A1CF: variants seen among roughly 807,000 people sequenced by gnomAD.
A1CF encodes APOBEC1 complementation factor.
A1CF carries 48 observed loss-of-function variants against 68.9 expected under a neutral mutation model. The observed-to-expected ratio is 0.70, with a 90% confidence interval of 0.55 to 0.89. The LOEUF (loss-of-function observed/expected upper bound fraction) is 0.89, where lower values mean the gene tolerates loss of function less well. Among genes scored for constraint, A1CF ranks in the 40% least tolerant of loss-of-function variants. A1CF has a pLI of 0.00. For missense variants in A1CF, 653 were observed against 718.9 expected (o/e 0.91, Z 1.05); for synonymous variants, 272 against 260.4 (o/e 1.04, Z -0.43).
chr10:50,873,342 T>C lies in A1CF; in HGVS notation c.-93-9262A>G, dbSNP rs1484866854. On this transcript the variant is annotated intron_variant, in intron 1 of 12. Coordinates refer to ENST00000373997, the MANE Select transcript of A1CF (RefSeq NM_014576.4). ...GATAGCAAGAGAAGAAGAAATTATC[T>C]ATAGACCAAATATCTCATGAGGTTG... Among the ~76,000 whole-genome samples the C allele has an allele frequency of 5.3e-5, 8 of 152,248 alleles. No individual in the cohort carries two copies. In the South Asian group the frequency reaches 1.7e-3, roughly 32 times the overall value.
Position 50,816,091 on chromosome 10 carries a change from G to C in A1CF, c.1056C>G (p.Thr352=). Reference sequence around the variant, plus strand: ...AATGAAGACTGGGAATTGCTGCATAGGTCTGGGGGGCATAGAAGACAGGAG... The same window carrying C: ...AATGAAGACTGGGAATTGCTGCATACGTCTGGGGGGCATAGAAGACAGGAG... The part of the protein sequence containing the change: ...LGAPVFYAPQ[T]YAAIPSLHFP... Residue 352 remains threonine (T), a synonymous_variant, in exon 9 of 13, where the codon ACC becomes ACG. Coordinates refer to ENST00000373997, the MANE Select transcript of A1CF (RefSeq NM_014576.4). 1 of 1,613,872 alleles carries C rather than the reference G, an allele frequency of 6.2e-7. No homozygotes were observed. Among genetic ancestry groups the C allele is most frequent in the Non-Finnish European group, 8.5e-7 (1 of 1,179,876 alleles).
chr10:50,816,424 T>G, intron 8 of A1CF, 145 bp from the exon 9 acceptor site: 1 of 986,066 alleles, frequency 1.0e-6, no homozygotes, highest in South Asian at 1.8e-5. Flanking sequence ...ATAGGTTTGT[T>G]TTGTATGCCA....
Position 50,813,877 on chromosome 10 carries a change from C to T in A1CF, c.1303G>A (p.Gly435Arg), listed in dbSNP as rs1261105378. The T allele has an allele frequency of 1.9e-6, 3 of 1,613,726 alleles. No individual in the cohort carries two copies. Among genetic ancestry groups the T allele is most frequent in the East Asian group, 2.2e-5 (1 of 44,870 alleles). ...CCTACCTGGGGAGCGAGTTTAATTC[C>T]TTGGGGTTTTAATGTGACAGGATTC... ...PMNPVTLKPQGIKLAPQILEE... is the reference protein window; with the variant it reads ...PMNPVTLKPQRIKLAPQILEE... Residue 435 changes from glycine to arginine, a missense_variant, in exon 10 of 13, where the codon GGA (glycine) becomes AGA (arginine). By Grantham distance (125) the Gly-to-Arg change is moderately radical. Transcript: ENST00000373997.
intron 4 of A1CF, 68 bp downstream of exon 4, chr10:50,843,920 G>A: frequency 6.3e-7 from 1 of 1,579,958 alleles, no homozygotes; most frequent in Non-Finnish European, 8.6e-7. Context: ...GAGAATGAAA[G>A]CAAAGTGAAG....
At position 50,859,927 on chromosome 10, in the gene A1CF, T is replaced by C. The variant is rs773750284; in HGVS notation, c.14A>G (p.His5Arg). 13 of 1,613,982 alleles carry C rather than the reference T, an allele frequency of 8.1e-6. No homozygotes were observed. The highest frequency in any genetic ancestry group is 1.1e-5 in the Non-Finnish European group (13 of 1,179,944). Residue 5 changes from histidine (H) to arginine (R), a missense_variant, in exon 3 of 13, where the codon CAC becomes CGC. Coordinates refer to ENST00000373997, the MANE Select transcript of A1CF (RefSeq NM_014576.4). ...GCCGCTCAATCCATCCCCGGATTTGTGATTTGATTCCATTGAGAGTGATTA... is the reference window on the plus strand; with the variant it reads ...GCCGCTCAATCCATCCCCGGATTTGCGATTTGATTCCATTGAGAGTGATTA... MESNHKSGDGLSGTQ... is the reference protein window; with the variant it reads MESNRKSGDGLSGTQ...
intron 10 of A1CF, 103 bp downstream of exon 10, chr10:50,813,754 A>G: frequency 8.1e-7 from 1 of 1,234,228 alleles, no homozygotes; most frequent in Non-Finnish European, 1.1e-6. Context: ...TAAAAGAAAA[A>G]AACCCATAGC....
chr10:50,844,962 A>C (rs1839932774), intron 3 of A1CF, among the ~76,000 whole-genome samples: 1 of 152,162 alleles, frequency 6.6e-6, no homozygotes, highest in Admixed American at 6.6e-5. Flanking sequence ...ATATTTTGTA[A>C]GTGTTAGCAC....
chr10:50,845,423 A>C (rs928519760), intron 3 of A1CF, among the ~76,000 whole-genome samples: 6 of 152,228 alleles, frequency 3.9e-5, no homozygotes, highest in African/African-American at 1.4e-4. Flanking sequence ...TATAGCATTT[A>C]CTATATGTCA....
intron 10 of A1CF, 50 bp downstream of exon 10, chr10:50,813,807 T>A: frequency 6.4e-7 from 1 of 1,571,448 alleles, no homozygotes; most frequent in Non-Finnish European, 8.8e-7. Flanking sequence ...AAGTGAATGA[T>A]GCTCATTGGC....
chr10:50,857,956 T>C (rs565408872), intron 3 of A1CF, among the ~76,000 whole-genome samples: 11 of 152,218 alleles, frequency 7.2e-5, no homozygotes, highest in Non-Finnish European at 1.6e-4. Flanking sequence ...CTTCGATACC[T>C]GTCAGGCCTG....
At chr10:50,811,271 A>G in intron 10 of A1CF, 95 bp from the exon 11 acceptor site, 2 of 1,276,186 alleles carry the variant, frequency 1.6e-6, no homozygotes, top group Non-Finnish European at 1.1e-6. Flanking sequence ...TCAGAGTTCA[A>G]GCTAGTATCT....
At position 50,820,540 on chromosome 10, in the gene A1CF, C is replaced by A; in HGVS notation, c.867+12G>T. ...ATGTAATCTGCATATTTTTTTCTTT[C>A]TTCTACCTTACCTTGCCATTTAAAG... On this transcript the variant is annotated intron_variant, in intron 8 of 12. Transcript: ENST00000373997. 6.2e-7 allele frequency: 1 copy of A among 1,609,940 alleles called. No homozygotes were observed.
intron 5 of A1CF, 86 bp from the exon 6 acceptor site, chr10:50,836,398 G>C (rs975617038): frequency 7.1e-7 from 1 of 1,415,418 alleles, no homozygotes; most frequent in South Asian, 1.4e-5. Flanking sequence ...AATGTTGCCT[G>C]AAGATGTGGG....
At chr10:50,861,116 C>A (rs1216164374) in intron 2 of A1CF, among the ~76,000 whole-genome samples, 2 of 151,924 alleles carry the variant, frequency 1.3e-5, no homozygotes, top group Non-Finnish European at 2.9e-5. Context: ...ATGAAGACAC[C>A]ATTAATAATA....
rs376020382 is a variant in A1CF, at chr10:50,878,105, G to C, written c.-94+7476C>G. ...CTACTACACTCCAGCCTGGGTGACA[G>C]AGTGAGACTCCATCTCAAAAAGAAA... On this transcript the variant is annotated intron_variant, in intron 1 of 12. Transcript: ENST00000373997. 3.8e-4 allele frequency among the ~76,000 whole-genome samples: 58 copies of C among 152,274 alleles called. 3 individuals carry two copies. The South Asian group carries it at 0.011, about 28-fold the overall frequency.
intron 2 of A1CF, among the ~76,000 whole-genome samples, chr10:50,861,833 C>A (rs2132536057): frequency 6.8e-6 from 1 of 147,236 alleles, no homozygotes; most frequent in African/African-American, 2.5e-5. Context: ...ATGATAGTAG[C>A]AATAGTAATA....
intron 12 of A1CF, 129 bp from the exon 13 acceptor site, chr10:50,807,009 T>A: frequency 1.1e-6 from 1 of 932,488 alleles, no homozygotes; most frequent in Non-Finnish European, 1.6e-6. Context: ...ATATATGTTT[T>A]AAAAAGTGTC....
chr10:50,812,411 G>T (rs940341186), intron 10 of A1CF, among the ~76,000 whole-genome samples: 1 of 152,162 alleles, frequency 6.6e-6, no homozygotes, highest in Admixed American at 6.5e-5. Context: ...ACAAATTAAA[G>T]AACTTTTATT....
Position 50,806,820 on chromosome 10 carries a change from G to T in A1CF, c.1670C>A (p.Thr557Asn), listed in dbSNP as rs1437937139. The change falls in exon 13 of 13, where the codon ACC (threonine) becomes AAC (asparagine). Residue 557 changes from threonine (T) to asparagine (N), a missense_variant. Physicochemically the swap from Thr to Asn is moderately conservative, Grantham distance 65 (BLOSUM62 0). Coordinates refer to ENST00000373997, the MANE Select transcript of A1CF (RefSeq NM_014576.4). ...ATATGCTGCTAAGTCTTGTCCAAGG[G>T]TTACCGCTTGCTTGAGCTGGGCTGC... ...VSAAQLKQAV[T>N]LGQDLAAYTT... 6.2e-7 allele frequency: 1 copy of T among 1,613,650 alleles called. No individual in the cohort carries two copies. The highest frequency in any genetic ancestry group is 8.5e-7 in the Non-Finnish European group (1 of 1,179,740).
Sources: allele counts gnomAD v4.1 joint callset (sites outside exome capture counted in the v4.1 genomes callset), GRCh38; gene constraint gnomAD v4.1.1; transcripts MANE v1.5; gene names NCBI Gene and HGNC (gene_info 2026-07-23, HGNC 2026-07-21).